TTC3: variants seen among roughly 807,000 people sequenced by gnomAD.
TTC3 encodes the protein tetratricopeptide repeat domain 3.
TTC3 carries 180 observed loss-of-function variants against 249.6 expected under a neutral mutation model. The ratio of observed to expected loss-of-function variants is 0.72; its 90% CI spans 0.64 to 0.82. The LOEUF is 0.82. Among genes scored for constraint, TTC3 ranks in the 40% least tolerant of loss-of-function variants. The pLI is 0.00. For synonymous variants in TTC3, 717 were observed against 805.0 expected, an observed-to-expected ratio of 0.89 and a Z score of 1.85; for missense variants, 2,061 against 2,398.4, an observed-to-expected ratio of 0.86 and a Z score of 2.94.
At chr21:37,192,491 TTGTGTGTGTG>T (rs60538841) in intron 41 of TTC3, among the ~76,000 whole-genome samples, 16 of 140,690 alleles carry the variant, frequency 1.1e-4, no homozygotes, top group Admixed American at 9.9e-4. Context: ...TCTTCTATCT[TTGTGTGTGTG>T]TGTGTGTGTG....
intron 17 of TTC3, among the ~76,000 whole-genome samples, chr21:37,134,776 T>G (rs1449591851): frequency 6.6e-6 from 1 of 152,240 alleles, no homozygotes; most frequent in Non-Finnish European, 1.5e-5. Flanking sequence ...GGGCACATGA[T>G]AGCAATTTTG....
At chr21:37,156,061 G>T (rs761086395) in intron 27 of TTC3, among the ~76,000 whole-genome samples, 2 of 151,364 alleles carry the variant, frequency 1.3e-5, no homozygotes, top group Non-Finnish European at 1.5e-5. Context: ...TTTAGAGATA[G>T]GGTCTTGCCC....
At chr21:37,197,468 C>G in intron 42 of TTC3, 102 bp from the exon 43 acceptor site, 2 of 1,388,598 alleles carry the variant, frequency 1.4e-6, no homozygotes, top group East Asian at 2.4e-5. Flanking sequence ...GTGCATTTGT[C>G]TTTGTTTCTT....
chr21:37,194,227 T>C (rs1179522107), intron 41 of TTC3, among the ~76,000 whole-genome samples: 1 of 152,214 alleles, frequency 6.6e-6, no homozygotes, highest in Non-Finnish European at 1.5e-5. Flanking sequence ...CTTTCCGTGG[T>C]TTCGGTTATC....
At chr21:37,165,379 G>T (rs1475668183) in intron 32 of TTC3, among the ~76,000 whole-genome samples, 171 bp from the exon 33 acceptor site, 1 of 152,094 alleles carries the variant, frequency 6.6e-6, no homozygotes, top group Non-Finnish European at 1.5e-5. Flanking sequence ...TTTCTTTATA[G>T]TATCATTGAT....
At chr21:37,181,226 AT>A (rs947995627) in intron 35 of TTC3, among the ~76,000 whole-genome samples, 1 of 152,242 alleles carries the variant, frequency 6.6e-6, no homozygotes, top group African/African-American at 2.4e-5. Flanking sequence ...TATGTTTATA[AT>A]ACTTTGTGCT....
chr21:37,094,858 A>C (rs551043972), intron 8 of TTC3, among the ~76,000 whole-genome samples: 4 of 152,290 alleles, frequency 2.6e-5, no homozygotes, highest in African/African-American at 9.6e-5. Flanking sequence ...CCGAGGCTGC[A>C]CATGATGGCT....
At chr21:37,148,563 C>A in exon 23 of TTC3, 1 of 1,591,954 alleles carries the variant, frequency 6.3e-7, no homozygotes, top group Non-Finnish European at 8.5e-7. Context: ...TACGCATCAG[C>A]TGTTGCCAGT....
rs1256341353 is a variant in TTC3 at position 37,121,824 on chromosome 21, A to T, written c.908A>T (p.Tyr303Phe). The T allele has an allele frequency of 4.4e-6, 7 of 1,587,894 alleles. No individual in the cohort carries two copies. Among genetic ancestry groups the T allele is most frequent in the Non-Finnish European group, 5.1e-6 (6 of 1,170,304 alleles). The change falls in exon 12 of 46, where the codon TAT becomes TTT. Residue 303 changes from tyrosine (Y) to phenylalanine (F), a missense_variant. This residue lies in a region of TTC3 where 989 missense variants were observed against 1,145.1 expected (regional missense o/e 0.86). Coordinates refer to ENST00000355666, the Ensembl canonical transcript of TTC3. ...TTTATCTTTTTGGAACAGGGTCATT[A>T]TCGTTATTGTGATGCTCTTTCTATG...
At chr21:37,176,224 A>G (rs1448299559) in intron 35 of TTC3, among the ~76,000 whole-genome samples, 1 of 152,250 alleles carries the variant, frequency 6.6e-6, no homozygotes, top group East Asian at 1.9e-4. Flanking sequence ...TTCTCATAAC[A>G]TAAAATTTGC....
At chr21:37,175,045 G>C (rs1185067760) in intron 35 of TTC3, among the ~76,000 whole-genome samples, 1 of 150,640 alleles carries the variant, frequency 6.6e-6, no homozygotes, top group Non-Finnish European at 1.5e-5. Flanking sequence ...CACGAGGTCA[G>C]GAGGTTGAGA....
At chr21:37,125,438 A>C (rs2076973404) in intron 14 of TTC3, among the ~76,000 whole-genome samples, 1 of 152,216 alleles carries the variant, frequency 6.6e-6, no homozygotes, top group Admixed American at 6.5e-5. Context: ...TTTATATGTC[A>C]ATAACAACAC....
chr21:37,147,948 C>T lies in TTC3; in HGVS notation c.2016+345C>T, dbSNP rs955520824. 1.3e-5 allele frequency among the ~76,000 whole-genome samples: 2 copies of T among 152,126 alleles called. 1 individual carries two copies. Among genetic ancestry groups the T allele is most frequent in the Non-Finnish European group, 2.9e-5 (2 of 68,010 alleles). ...TTCACCATATTGGCCAGGATGGTCT[C>T]GATCTCTTGACTTCGTGATCCACCC... On this transcript the variant is annotated intron_variant, in intron 22 of 45. Coordinates refer to ENST00000355666, the Ensembl canonical transcript of TTC3.
At chr21:37,174,846 A>AC (rs1328154170) in intron 35 of TTC3, among the ~76,000 whole-genome samples, 5 of 152,192 alleles carry the variant, frequency 3.3e-5, no homozygotes, top group African/African-American at 1.2e-4. Flanking sequence ...GTGGTTGAAA[A>AC]AGGACAGGGG....
At chr21:37,082,510 C>G (rs1221213835) in intron 1 of TTC3, 25 of 985,190 alleles carry the variant, frequency 2.5e-5, no homozygotes, top group Non-Finnish European at 2.8e-5. Context: ...GAAAGTTTAG[C>G]TGGCATCACT....
At chr21:37,174,271 C>G (rs2082052906) in intron 35 of TTC3, among the ~76,000 whole-genome samples, 1 of 152,182 alleles carries the variant, frequency 6.6e-6, no homozygotes, top group Non-Finnish European at 1.5e-5. Flanking sequence ...TCTGCTGTTG[C>G]GTGGCCCTAC....
exon 12 of TTC3, chr21:37,121,965 T>C (rs2076620290): frequency 6.2e-7 from 1 of 1,610,212 alleles, no homozygotes; most frequent in Admixed American, 1.7e-5. Context: ...CAAAAACAAA[T>C]AGAAGACCTA....
chr21:37,202,214 T>C (rs1356549137), exon 46 of TTC3: 5 of 152,266 alleles, frequency 3.3e-5, no homozygotes, highest in African/African-American at 9.6e-5. Flanking sequence ...TTAGATTGTT[T>C]TAAGTGTTTG....
exon 46 of TTC3, chr21:37,201,604 T>C: frequency 1.3e-6 from 2 of 1,596,616 alleles, no homozygotes; most frequent in East Asian, 2.2e-5. Flanking sequence ...CATCCACCAG[T>C]GTGTTGAATC....
Sources: gnomAD v4.1 joint callset for allele counts (sites outside exome capture counted in the v4.1 genomes callset) on GRCh38, gnomAD v4.1.1 for gene constraint, gnomAD v4.1.1 regional missense constraint, MANE v1.5 for transcripts, NCBI Gene and HGNC (gene_info 2026-07-23, HGNC 2026-07-21) for gene names.